The following ITPR2 variants were observed in gnomAD, a reference collection of about 807,000 sequenced individuals.
ITPR2 encodes inositol 1,4,5-trisphosphate receptor type 2.
A neutral mutation model predicts 317.1 loss-of-function variants in ITPR2; 207 were observed. The ratio of observed to expected loss-of-function variants is 0.65; its 90% confidence interval spans 0.58 to 0.73. ITPR2 has a LOEUF of 0.73. ITPR2 is among the 30% of genes least tolerant of loss of function. ITPR2 has a pLI of 0.00. For synonymous variants in ITPR2, 1,156 were observed against 1,149.1 expected, an observed-to-expected ratio of 1.01 and a Z score of -0.12; for missense variants, 2,613 against 3,284.0, an observed-to-expected ratio of 0.80 and a Z score of 4.99.
chr12:26,502,973 G>A (rs1267408377), intron 37 of ITPR2, among the ~76,000 whole-genome samples: 2 of 152,096 alleles, frequency 1.3e-5, no homozygotes, highest in Non-Finnish European at 2.9e-5. Context: ...AATACATACG[G>A]GGACATATCA....
intron 46 of ITPR2, among the ~76,000 whole-genome samples, chr12:26,440,922 G>A (rs776741269): frequency 1.3e-5 from 2 of 152,088 alleles, no homozygotes; most frequent in Admixed American, 1.3e-4. Flanking sequence ...TGTGTTAACC[G>A]CAAAAAGCCA....
intron 32 of ITPR2, among the ~76,000 whole-genome samples, chr12:26,590,206 C>T (rs1170120452): frequency 6.6e-6 from 1 of 152,008 alleles, no homozygotes; most frequent in Non-Finnish European, 1.5e-5. Context: ...TCTGTAGAAG[C>T]CACAGGCAAA....
chr12:26,493,669 T>C (rs577264657), intron 39 of ITPR2, among the ~76,000 whole-genome samples: 2 of 152,306 alleles, frequency 1.3e-5, no homozygotes, highest in South Asian at 4.1e-4. Context: ...AATATCACAC[T>C]GTACCCTATA....
At chr12:26,500,198 G>C (rs1943038363) in intron 37 of ITPR2, among the ~76,000 whole-genome samples, 1 of 152,144 alleles carries the variant, frequency 6.6e-6, no homozygotes, top group Admixed American at 6.6e-5. Context: ...GTGCAGTGGT[G>C]GTAGCTTAAA....
rs142421130 is a variant in ITPR2, at chr12:26,530,541, G to A, written c.5073+19706C>T. Among the ~76,000 whole-genome samples the A allele has an allele frequency of 4.1e-4, 62 of 152,298 alleles. 1 individual carries two copies. In the East Asian group the frequency reaches 0.01, roughly 25 times the overall value. ...ATTGTTCTCTGGCTCCCCAGTTGGG[G>A]CTATGAACTACTAGAATCAAGACAG... On this transcript the variant is annotated intron_variant, in intron 37 of 56. Coordinates refer to ENST00000381340, the MANE Select transcript of ITPR2 (RefSeq NM_002223.4).
chr12:26,620,770 C>A (rs1259534844), intron 26 of ITPR2, among the ~76,000 whole-genome samples: 5 of 152,076 alleles, frequency 3.3e-5, no homozygotes, highest in Non-Finnish European at 7.4e-5. Flanking sequence ...ATGGCCACAG[C>A]AAAAGGGTCC....
chr12:26,578,759 C>T lies in ITPR2; in HGVS notation c.4584G>A (p.Ala1528=), dbSNP rs765209588. 2.4e-5 allele frequency: 39 copies of T among 1,610,942 alleles called. No individual in the cohort carries two copies. Among genetic ancestry groups the T allele is most frequent in the Non-Finnish European group, 3.0e-5 (35 of 1,177,806 alleles). Residue 1528 remains alanine, a synonymous_variant, in exon 34 of 57, where the codon GCG becomes GCA. Coordinates refer to ENST00000381340, the MANE Select transcript of ITPR2 (RefSeq NM_002223.4). ...RIYNCTWPNP[A]QKASVESCIR... is the part of the protein sequence containing the mutation. ...TACAGGATTCCACTGAGGCTTTCTG[C>T]GCTGGGTTTGGCCAGGTGCAATTGT... is the stretch of plus-strand genomic sequence containing the variant.
chr12:26,552,124 A>G (rs955265359), intron 36 of ITPR2, among the ~76,000 whole-genome samples: 2 of 152,174 alleles, frequency 1.3e-5, no homozygotes, highest in African/African-American at 4.8e-5. Flanking sequence ...GAAGTGGAAG[A>G]GGAAGCAGGG....
At chr12:26,729,656 A>C (rs1948994055) in intron 2 of ITPR2, among the ~76,000 whole-genome samples, 1 of 152,156 alleles carries the variant, frequency 6.6e-6, no homozygotes, top group Admixed American at 6.6e-5. Flanking sequence ...TTGCAAGGAC[A>C]TGAATGGAGC....
chr12:26,683,348 TA>T lies in ITPR2; in HGVS notation c.1149-676del, dbSNP rs571824917. Among the ~76,000 whole-genome samples the T allele has an allele frequency of 8.5e-5, 13 of 152,332 alleles. No individual in the cohort carries two copies. The South Asian group carries it at 2.7e-3, about 32-fold the overall frequency. ...CCTTCTTGTCTCAGCTCTCATGCTATAAACAAGTGTCCTTTTTGTGGCCCAT... is the reference window on the plus strand; with the variant it reads ...CCTTCTTGTCTCAGCTCTCATGCTATAACAAGTGTCCTTTTTGTGGCCCAT... On this transcript the variant is annotated intron_variant, in intron 11 of 56. Coordinates refer to ENST00000381340, the MANE Select transcript of ITPR2 (RefSeq NM_002223.4).
At chr12:26,466,060 A>G (rs1942163776) in intron 45 of ITPR2, among the ~76,000 whole-genome samples, 1 of 152,162 alleles carries the variant, frequency 6.6e-6, no homozygotes, top group Admixed American at 6.5e-5. Context: ...AACTAAGTTC[A>G]CATATTAGAA....
intron 37 of ITPR2, among the ~76,000 whole-genome samples, chr12:26,533,295 A>G (rs1419876490): frequency 6.6e-6 from 1 of 152,178 alleles, no homozygotes; most frequent in African/African-American, 2.4e-5. Flanking sequence ...ACCTTAACCT[A>G]AGATAGGAAA....
chr12:26,804,013 A>T (rs1032103398), intron 1 of ITPR2, among the ~76,000 whole-genome samples: 1 of 152,172 alleles, frequency 6.6e-6, no homozygotes, highest in African/African-American at 2.4e-5. Context: ...CAACTATTAT[A>T]TATAAATAAA....
intron 37 of ITPR2, among the ~76,000 whole-genome samples, chr12:26,513,870 G>T (rs1943423939): frequency 6.6e-6 from 1 of 151,986 alleles, no homozygotes; most frequent in Non-Finnish European, 1.5e-5. Flanking sequence ...CTGACTTCAG[G>T]CCACATGTAT....
In ITPR2 at chr12:26,772,443, A is replaced by ATATATATTATATATATAATACATGTAT. The variant is rs1219419896; in HGVS notation, c.163+17687_163+17713dup. Among the ~76,000 whole-genome samples the ATATATATTATATATATAATACATGTAT allele has an allele frequency of 5.6e-4, 54 of 95,868 alleles. 1 individual carries two copies. The highest frequency in any genetic ancestry group is 1.7e-3 in the African/African-American group (45 of 26,172). The allele number at this position is 95,868 out of a possible 152,430, so 62.9% of individuals were successfully genotyped here. On this transcript the variant is annotated intron_variant, in intron 2 of 56. Transcript: ENST00000381340. Reference sequence around the variant, plus strand: ...ATATATTATATATAATACATGTATTATATATATTATATATATAATACATGT... The same window carrying ATATATATTATATATATAATACATGTAT: ...ATATATTATATATAATACATGTATTATATATATTATATATATAATACATGTATTATATATTATATATATAATACATGT...
chr12:26,807,389 C>A (rs1274294738), intron 1 of ITPR2, among the ~76,000 whole-genome samples: 1 of 152,114 alleles, frequency 6.6e-6, no homozygotes, highest in South Asian at 2.1e-4. Flanking sequence ...CCTTTCCCAC[C>A]CAGAATCAAC....
At chr12:26,387,251 G>A (rs1289270007) in intron 55 of ITPR2, among the ~76,000 whole-genome samples, 183 bp downstream of exon 55, 1 of 152,180 alleles carries the variant, frequency 6.6e-6, no homozygotes, top group Non-Finnish European at 1.5e-5. Flanking sequence ...GAATAACCAA[G>A]GAGTCTACTG....
intron 55 of ITPR2, among the ~76,000 whole-genome samples, chr12:26,385,686 C>T (rs1281830547): frequency 4.6e-5 from 7 of 152,158 alleles, no homozygotes; most frequent in East Asian, 1.9e-4. Flanking sequence ...GGGCAACTCA[C>T]GATCCCCTGA....
chr12:26,496,539 T>C (rs1029907050), intron 37 of ITPR2, among the ~76,000 whole-genome samples: 8 of 152,246 alleles, frequency 5.3e-5, no homozygotes. Context: ...CCTAAGCTTC[T>C]TATTCTGTTT....
Sources: gnomAD v4.1 joint callset for allele counts (sites outside exome capture counted in the v4.1 genomes callset) on GRCh38, gnomAD v4.1.1 for gene constraint, MANE v1.5 for transcripts, NCBI Gene and HGNC (gene_info 2026-07-23, HGNC 2026-07-21) for gene names.